The following CPAP variants were observed in gnomAD, a reference collection of about 807,000 sequenced individuals.
CPAP encodes centrosomal P4.1-associated protein.
chr13:24,909,881 ACGTTT>A, the CPAP span: 1 of 1,614,068 alleles, frequency 6.2e-7, no homozygotes, highest in Non-Finnish European at 8.5e-7. Flanking sequence ...TAGGAGACGC[ACGTTT>A]TGAAGTTAAG....
chr13:24,921,675 C>T, the CPAP span, among the ~76,000 whole-genome samples: 3 of 151,594 alleles, frequency 2.0e-5, no homozygotes, highest in Non-Finnish European at 2.9e-5. Context: ...TTTCAATGAC[C>T]TTAGCAGAAA....
At chr13:24,887,982 G>C in the CPAP span, among the ~76,000 whole-genome samples, 1 of 152,170 alleles carries the variant, frequency 6.6e-6, no homozygotes, top group African/African-American at 2.4e-5. Context: ...GCTCCACAGA[G>C]GGCAGTTCCG....
the CPAP span, among the ~76,000 whole-genome samples, chr13:24,884,758 G>C: frequency 2.6e-5 from 4 of 152,066 alleles, no homozygotes; most frequent in Non-Finnish European, 2.9e-5. Context: ...GTTGTTCTTT[G>C]TCCTTCTCTC....
chr13:24,926,707 C>A, the CPAP span, among the ~76,000 whole-genome samples: 28 of 152,154 alleles, frequency 1.8e-4, no homozygotes, highest in African/African-American at 6.5e-4. Flanking sequence ...ACTACAGTTA[C>A]GGGACCCTGT....
the CPAP span, chr13:24,933,065 A>T: frequency 1.9e-6 from 3 of 1,588,690 alleles, no homozygotes; most frequent in Admixed American, 5.0e-5. Flanking sequence ...TTACCTCGGC[A>T]GCAGAAGAAA....
the CPAP span, chr13:24,910,119 C>T: frequency 2.5e-6 from 4 of 1,598,022 alleles, no homozygotes; most frequent in African/African-American, 1.3e-5. Flanking sequence ...AAGCTGATGA[C>T]TTCCTTCAAC....
At chr13:24,908,131 G>A in the CPAP span, 1 of 1,598,306 alleles carries the variant, frequency 6.3e-7, no homozygotes. Flanking sequence ...TTTCTCCTGA[G>A]ATAAAAATTA....
At chr13:24,883,112 C>T in the CPAP span, 2 of 1,358,706 alleles carry the variant, frequency 1.5e-6, no homozygotes, top group Admixed American at 1.7e-5. Context: ...ACAGAATCCA[C>T]AGTAAATGTA....
the CPAP span, among the ~76,000 whole-genome samples, chr13:24,932,334 A>G: frequency 2.0e-5 from 3 of 152,236 alleles, no homozygotes; most frequent in African/African-American, 7.2e-5. Context: ...AAAATTAGCC[A>G]GGCATGGTGG....
chr13:24,891,885 C>T, the CPAP span, among the ~76,000 whole-genome samples: 1 of 152,218 alleles, frequency 6.6e-6, no homozygotes, highest in Non-Finnish European at 1.5e-5. Flanking sequence ...GTCTCAGGCC[C>T]ACTCAGGTGC....
chr13:24,901,541 C>T, the CPAP span, among the ~76,000 whole-genome samples: 2 of 152,260 alleles, frequency 1.3e-5, no homozygotes, highest in African/African-American at 4.8e-5. Context: ...ATACATATGA[C>T]GATATTCCCT....
chr13:24,894,489 G>GT, the CPAP span, among the ~76,000 whole-genome samples: 1 of 152,262 alleles, frequency 6.6e-6, no homozygotes, highest in Non-Finnish European at 1.5e-5. Context: ...CACAGGGGCC[G>GT]TGTCAGTGCC....
At chr13:24,925,243 C>T in the CPAP span, among the ~76,000 whole-genome samples, 1 of 152,174 alleles carries the variant, frequency 6.6e-6, no homozygotes, top group South Asian at 2.1e-4. Context: ...TCTGAAAGTG[C>T]TGGAATTACA....
chr13:24,932,047 T>C, the CPAP span, among the ~76,000 whole-genome samples: 1 of 152,332 alleles, frequency 6.6e-6, no homozygotes, highest in Non-Finnish European at 1.5e-5. Flanking sequence ...CGGTCCCTGC[T>C]AGGGACGCTG....
At chr13:24,905,743 GCTA>G in the CPAP span, 1 of 1,614,106 alleles carries the variant, frequency 6.2e-7, no homozygotes, top group Non-Finnish European at 8.5e-7. Context: ...TAGACTCATC[GCTA>G]CTGTAATCTT....
chr13:24,913,087 A>G, the CPAP span: 5 of 1,460,716 alleles, frequency 3.4e-6, no homozygotes, highest in Non-Finnish European at 3.8e-6. Flanking sequence ...ATTGATTTCC[A>G]ACACCTGTAG....
the CPAP span, among the ~76,000 whole-genome samples, chr13:24,890,470 C>G: frequency 6.6e-6 from 1 of 152,214 alleles, no homozygotes; most frequent in African/African-American, 2.4e-5. Context: ...CTGAAAGCCT[C>G]TGGGCCCACG....
the CPAP span, among the ~76,000 whole-genome samples, chr13:24,916,549 C>G: frequency 6.6e-6 from 1 of 152,104 alleles, no homozygotes; most frequent in African/African-American, 2.4e-5. Flanking sequence ...CTAGTAATAC[C>G]CAGTAGGAAA....
chr13:24,905,075 A>AC, the CPAP span, among the ~76,000 whole-genome samples: 1 of 152,206 alleles, frequency 6.6e-6, no homozygotes, highest in Non-Finnish European at 1.5e-5. Context: ...AAATGGTAAT[A>AC]CTGGTACCTC....
Sources: gnomAD v4.1 joint callset for allele counts (sites outside exome capture counted in the v4.1 genomes callset) on GRCh38, gnomAD v4.1.1 for gene constraint, MANE v1.5 for transcripts, NCBI Gene and HGNC (gene_info 2026-07-23, HGNC 2026-07-21) for gene names.